PLXDC1: variants seen among roughly 807,000 people sequenced by gnomAD.
PLXDC1 encodes the protein plexin domain containing 1.
In PLXDC1, 39 loss-of-function variants were observed where a neutral mutation model predicts 61.3. That is an observed-to-expected ratio of 0.64 (90% CI 0.49 to 0.83). PLXDC1 has a LOEUF of 0.83. Among genes scored for constraint, PLXDC1 ranks in the 40% least tolerant of loss-of-function variants. The probability of loss-of-function intolerance (pLI) is 0.00; values close to 1 mark genes in which losing one functional copy is unlikely to be tolerated. For synonymous variants in PLXDC1, 212 were observed against 254.5 expected (o/e 0.83, Z 1.59); for missense variants, 596 against 666.5 (o/e 0.89, Z 1.17).
At position 39,109,364 on chromosome 17, in the gene PLXDC1, G is replaced by C; in HGVS notation, c.283C>G (p.Arg95Gly). ...VEDNHSYYVS[R>G]LYGPSEPHSR... ...TGGGGCTCGCTGGGGCCATAGAGAC[G>C]GGACACATAATAGCTGTGGTTGTCC... Residue 95 changes from arginine to glycine, a missense_variant, in exon 3 of 14, where the codon CGT becomes GGT. Transcript: ENST00000315392. The C allele has an allele frequency of 6.2e-7, 1 of 1,602,624 alleles. No individual in the cohort carries two copies. Among genetic ancestry groups the C allele is most frequent in the Non-Finnish European group, 8.5e-7 (1 of 1,175,420 alleles).
At chr17:39,111,949 C>T (rs899932118) in intron 2 of PLXDC1, 6 of 152,270 alleles carry the variant, frequency 3.9e-5, no homozygotes, top group Middle Eastern at 3.2e-3. Context: ...TAGCCTCCCT[C>T]GGGAAAGCAG....
intron 11 of PLXDC1, among the ~76,000 whole-genome samples, chr17:39,075,568 C>T (rs1909295164): frequency 6.6e-6 from 1 of 152,170 alleles, no homozygotes; most frequent in African/African-American, 2.4e-5. Context: ...TTAGTGTCTC[C>T]TTTATAAAAC....
At chr17:39,126,016 G>T (rs924254112) in intron 2 of PLXDC1, among the ~76,000 whole-genome samples, 3 of 152,176 alleles carry the variant, frequency 2.0e-5, no homozygotes, top group Non-Finnish European at 4.4e-5. Flanking sequence ...CACTTTGGGA[G>T]GCTGAGGCAG....
chr17:39,148,556 A>C (rs932570539), intron 1 of PLXDC1, among the ~76,000 whole-genome samples: 9 of 151,550 alleles, frequency 5.9e-5, no homozygotes, highest in African/African-American at 2.2e-4. Context: ...AATTTTTACT[A>C]ATATACTAAT....
At chr17:39,075,566 T>C (rs1909295061) in intron 11 of PLXDC1, among the ~76,000 whole-genome samples, 1 of 152,208 alleles carries the variant, frequency 6.6e-6, no homozygotes, top group African/African-American at 2.4e-5. Context: ...CCTTAGTGTC[T>C]CCTTTATAAA....
chr17:39,135,220 C>T (rs1911705445), intron 2 of PLXDC1, among the ~76,000 whole-genome samples: 1 of 152,212 alleles, frequency 6.6e-6, no homozygotes, highest in African/African-American at 2.4e-5. Flanking sequence ...GGGGACAAGC[C>T]CTATGGCTGT....
At chr17:39,074,310 C>T (rs1388864700) in intron 11 of PLXDC1, among the ~76,000 whole-genome samples, 1 of 152,142 alleles carries the variant, frequency 6.6e-6, no homozygotes, top group Non-Finnish European at 1.5e-5. Flanking sequence ...TCAAGTCCAG[C>T]CTAGGTAACA....
chr17:39,105,296 G>A (rs1278768835), intron 7 of PLXDC1, among the ~76,000 whole-genome samples: 1 of 152,224 alleles, frequency 6.6e-6, no homozygotes, highest in African/African-American at 2.4e-5. Flanking sequence ...GGGGTCGGGA[G>A]CAGGGGAGAA....
chr17:39,144,502 C>G (rs1203516516), intron 1 of PLXDC1, among the ~76,000 whole-genome samples: 1 of 152,208 alleles, frequency 6.6e-6, no homozygotes, highest in Non-Finnish European at 1.5e-5. Flanking sequence ...CCCTTCCTTC[C>G]CTGTTGCCTG....
intron 11 of PLXDC1, among the ~76,000 whole-genome samples, chr17:39,076,717 G>C (rs937498734): frequency 2.6e-5 from 4 of 152,010 alleles, no homozygotes; most frequent in Admixed American, 2.6e-4. Context: ...GCTGGATGCA[G>C]GGTTTTGTTT....
chr17:39,105,200 C>G (rs115500335), intron 7 of PLXDC1, among the ~76,000 whole-genome samples: 1,739 of 152,312 alleles, frequency 0.011, 28 homozygotes, highest in African/African-American at 0.034. Context: ...GTCTCTGAGA[C>G]AAGGGTCTAG....
At chr17:39,129,711 G>GAAAGAAAGAAA (rs1249381083) in intron 2 of PLXDC1, among the ~76,000 whole-genome samples, 7 of 108,256 alleles carry the variant, frequency 6.5e-5, no homozygotes, top group African/African-American at 1.4e-4. Flanking sequence ...AAAGAAAGAA[G>GAAAGAAAGAAA]GAAAGAAAGA....
intron 2 of PLXDC1, among the ~76,000 whole-genome samples, chr17:39,125,402 A>G (rs1418176829): frequency 2.0e-5 from 3 of 152,124 alleles, no homozygotes; most frequent in African/African-American, 4.8e-5. Context: ...TACAGAGGAT[A>G]TGGACTGGCA....
chr17:39,146,810 C>T (rs892897051), intron 1 of PLXDC1, among the ~76,000 whole-genome samples: 24 of 150,400 alleles, frequency 1.6e-4, no homozygotes, highest in Non-Finnish European at 3.4e-4. Flanking sequence ...GAGCTATGAT[C>T]ACACCACTGC....
At chr17:39,072,545 CTG>C (rs1490811158) in intron 11 of PLXDC1, 60 bp from the exon 12 acceptor site, 1 of 1,076,956 alleles carries the variant, frequency 9.3e-7, no homozygotes, top group East Asian at 2.6e-5. Context: ...CTTTGTCACT[CTG>C]AGTCCAGATG....
intron 10 of PLXDC1, 123 bp downstream of exon 10, chr17:39,078,981 G>GGGA: frequency 1.3e-6 from 1 of 759,784 alleles, no homozygotes; most frequent in African/African-American, 1.7e-5. Flanking sequence ...TTAGATGGAA[G>GGGA]GGAGGATATT....
intron 2 of PLXDC1, among the ~76,000 whole-genome samples, chr17:39,131,373 C>G (rs1036406496): frequency 1.3e-5 from 2 of 149,632 alleles, no homozygotes; most frequent in Non-Finnish European, 3.0e-5. Flanking sequence ...TTTTTTTAGG[C>G]GACAGAATCT....
intron 13 of PLXDC1, among the ~76,000 whole-genome samples, chr17:39,069,170 G>T (rs1567751513): frequency 6.6e-6 from 1 of 152,068 alleles, no homozygotes; most frequent in Non-Finnish European, 1.5e-5. Context: ...CAGTGGTATG[G>T]TCAGGGCTCA....
intron 7 of PLXDC1, among the ~76,000 whole-genome samples, chr17:39,104,165 A>G (rs1910518086): frequency 6.6e-6 from 1 of 152,242 alleles, no homozygotes; most frequent in Non-Finnish European, 1.5e-5. Flanking sequence ...TGTGCCAGAC[A>G]TTAGGCCCAA....
Sources: gnomAD v4.1 joint callset for allele counts (sites outside exome capture counted in the v4.1 genomes callset) on GRCh38, gnomAD v4.1.1 for gene constraint, MANE v1.5 for transcripts, NCBI Gene and HGNC (gene_info 2026-07-23, HGNC 2026-07-21) for gene names.